TMEM132D: variants seen among roughly 807,000 people sequenced by gnomAD.
TMEM132D encodes transmembrane protein 132D.
A neutral mutation model predicts 62.3 loss-of-function variants in TMEM132D; 21 were observed. The ratio of observed to expected loss-of-function variants is 0.34; its 90% confidence interval spans 0.24 to 0.49. The LOEUF is 0.49. Ranked by LOEUF, TMEM132D falls within the 20% of genes least tolerant of loss-of-function variation. The probability of loss-of-function intolerance (pLI) is 0.99; values close to 1 mark genes in which losing one functional copy is unlikely to be tolerated. For missense variants in TMEM132D, 1,346 were observed against 1,402.8 expected (o/e 0.96, Z 0.65); for synonymous variants, 621 against 575.6 (o/e 1.08, Z -1.13).
At chr12:129,389,540 CAAT>C (rs35875755) in intron 3 of TMEM132D, among the ~76,000 whole-genome samples, 128 of 152,218 alleles carry the variant, frequency 8.4e-4, no homozygotes, top group African/African-American at 2.9e-3. Flanking sequence ...CCAACACTAA[CAAT>C]AATACTAACA....
rs1167809130 is a variant in TMEM132D at position 129,400,785 on chromosome 12, T to G, written c.1116-62968A>C. Among the ~76,000 whole-genome samples the G allele has an allele frequency of 2.0e-5, 3 of 152,232 alleles. No homozygotes were observed. In the South Asian group the frequency reaches 6.2e-4, roughly 32 times the overall value. ...TCTTTGTGCCAAGCTAAATATATAA[T>G]ATTTTTCAAATTAACTATAAGTTGT... On this transcript the variant is annotated intron_variant, in intron 3 of 8. Coordinates refer to ENST00000422113, the MANE Select transcript of TMEM132D (RefSeq NM_133448.3).
chr12:129,739,404 T>A (rs993241445), intron 1 of TMEM132D, among the ~76,000 whole-genome samples: 14 of 152,016 alleles, frequency 9.2e-5, no homozygotes, highest in African/African-American at 2.9e-4. Context: ...AGAGGAGACG[T>A]CAACTCTTGC....
chr12:129,726,194 C>T (rs4759597), intron 1 of TMEM132D, among the ~76,000 whole-genome samples: 124,360 of 152,104 alleles, frequency 0.82, 51,492 homozygotes, highest in Non-Finnish European at 0.9. Context: ...CCCCATGCAC[C>T]TTTTCCCCTT....
At chr12:129,500,577 C>T (rs183837293) in intron 3 of TMEM132D, among the ~76,000 whole-genome samples, 105 of 152,314 alleles carry the variant, frequency 6.9e-4, no homozygotes, top group South Asian at 1.7e-3. Flanking sequence ...CTACCTTAGA[C>T]AGAATGTGAT....
At chr12:129,258,927 T>C (rs1345733936) in intron 4 of TMEM132D, among the ~76,000 whole-genome samples, 1 of 152,138 alleles carries the variant, frequency 6.6e-6, no homozygotes, top group African/African-American at 2.4e-5. Context: ...GGTGGGGATT[T>C]GGGTGTGCAT....
At position 129,558,756 on chromosome 12, in the gene TMEM132D, T is replaced by C. The variant is rs1877131643; in HGVS notation, c.969-27551A>G. ...AGGCATTCTCCCCTAAGGAGACGGG[T>C]CCATGGACTGGAGAAGCGTTGCATT... On this transcript the variant is annotated intron_variant, in intron 2 of 8. Coordinates refer to ENST00000422113, the MANE Select transcript of TMEM132D (RefSeq NM_133448.3). 2.0e-5 allele frequency among the ~76,000 whole-genome samples: 3 copies of C among 152,092 alleles called. 1 individual carries two copies. The highest frequency in any genetic ancestry group is 7.2e-5 in the African/African-American group (3 of 41,410).
At chr12:129,550,480 C>T (rs372659073) in intron 2 of TMEM132D, among the ~76,000 whole-genome samples, 7 of 152,280 alleles carry the variant, frequency 4.6e-5, no homozygotes, top group South Asian at 4.1e-4. Flanking sequence ...ACTCCTGGGC[C>T]GCTCCTTTGT....
intron 5 of TMEM132D, among the ~76,000 whole-genome samples, chr12:129,147,852 C>T (rs995811905): frequency 1.3e-5 from 2 of 152,188 alleles, no homozygotes; most frequent in Admixed American, 6.5e-5. Context: ...CCTGCTACAC[C>T]AGATTTCCTA....
chr12:129,512,740 C>T (rs1036025624), intron 3 of TMEM132D, among the ~76,000 whole-genome samples: 1 of 152,192 alleles, frequency 6.6e-6, no homozygotes, highest in Non-Finnish European at 1.5e-5. Flanking sequence ...CAGTCCATCC[C>T]CATATGGGCT....
At chr12:129,232,814 GGA>G (rs1207739853) in intron 4 of TMEM132D, among the ~76,000 whole-genome samples, 1 of 151,448 alleles carries the variant, frequency 6.6e-6, no homozygotes, top group Non-Finnish European at 1.5e-5. Context: ...CATGATGGCA[GGA>G]GAGAGAGAGA....
At chr12:129,296,085 C>CATAT (rs1167638298) in intron 4 of TMEM132D, among the ~76,000 whole-genome samples, 1 of 146,012 alleles carries the variant, frequency 6.8e-6, no homozygotes, top group South Asian at 2.2e-4. Flanking sequence ...CACACACACA[C>CATAT]ATATATATAT....
At chr12:129,581,720 G>A (rs1877869553) in intron 2 of TMEM132D, among the ~76,000 whole-genome samples, 1 of 152,142 alleles carries the variant, frequency 6.6e-6, no homozygotes, top group African/African-American at 2.4e-5. Flanking sequence ...GACTGAGCGT[G>A]GGTCTGCCTC....
chr12:129,315,810 G>T (rs1868470674), intron 4 of TMEM132D, among the ~76,000 whole-genome samples: 1 of 151,982 alleles, frequency 6.6e-6, no homozygotes, highest in African/African-American at 2.4e-5. Context: ...TACCATTTCA[G>T]TCTTGCTGCT....
intron 3 of TMEM132D, among the ~76,000 whole-genome samples, chr12:129,425,840 T>C (rs543380174): frequency 1.3e-5 from 2 of 152,226 alleles, no homozygotes; most frequent in African/African-American, 4.8e-5. Flanking sequence ...TGGAGACTAA[T>C]GTTTGGAAAA....
chr12:129,855,006 GA>G (rs1873679578), intron 1 of TMEM132D: 1 of 152,540 alleles, frequency 6.6e-6, no homozygotes, highest in Non-Finnish European at 1.5e-5. Flanking sequence ...TTAATGCTGA[GA>G]TCTTAACCGA....
At chr12:129,513,952 C>T (rs1393937467) in intron 3 of TMEM132D, among the ~76,000 whole-genome samples, 6 of 151,770 alleles carry the variant, frequency 4.0e-5, no homozygotes, top group African/African-American at 1.4e-4. Flanking sequence ...ATTCTCCTGC[C>T]TCAGCCTCCC....
chr12:129,094,607 T>A (rs1031749060), intron 5 of TMEM132D, among the ~76,000 whole-genome samples: 6 of 152,324 alleles, frequency 3.9e-5, no homozygotes, highest in Admixed American at 3.3e-4. Flanking sequence ...GTTCAACCAT[T>A]GTGGAAGTCA....
At chr12:129,657,380 G>A (rs1187827985) in intron 2 of TMEM132D, among the ~76,000 whole-genome samples, 1 of 151,368 alleles carries the variant, frequency 6.6e-6, no homozygotes, top group Non-Finnish European at 1.5e-5. Context: ...GTTAAGTCAG[G>A]GAACAAAGGG....
Position 129,531,002 on chromosome 12 carries a change from A to AAAG in TMEM132D, c.1115+56_1115+57insCTT. 2 of 1,505,486 alleles carry AAAG rather than the reference A, an allele frequency of 1.3e-6. 1 individual carries two copies. Among genetic ancestry groups the AAAG allele is most frequent in the African/African-American group, 2.8e-5 (2 of 71,416 alleles). 93.3% of individuals were successfully genotyped at this position (1,505,486 alleles called of 1,614,324 possible). A position where few individuals can be genotyped will look rare whatever the true frequency, so the allele number is the denominator to read the frequency against. Reference sequence around the variant, plus strand: ...GTTAGCAATCTAGGAAAAAAAAAAAAAAATCAGGCCACATTTGCAGCTGAT... The same window carrying AAAG: ...GTTAGCAATCTAGGAAAAAAAAAAAAAAGAAATCAGGCCACATTTGCAGCTGAT... On this transcript the variant is annotated intron_variant, in intron 3 of 8. Transcript: ENST00000422113.
Sources: allele counts gnomAD v4.1 joint callset (sites outside exome capture counted in the v4.1 genomes callset), GRCh38; gene constraint gnomAD v4.1.1; transcripts MANE v1.5; gene names NCBI Gene and HGNC (gene_info 2026-07-23, HGNC 2026-07-21).